Variants in ZC3H12B observed in about 807,000 individuals in gnomAD.
ZC3H12B encodes zinc finger CCCH-type containing 12B, also known as probable ribonuclease ZC3H12B.
ZC3H12B carries 7 observed loss-of-function variants against 43.9 expected under a neutral mutation model. That is an observed-to-expected ratio of 0.16 (90% CI 0.09 to 0.30). The LOEUF is 0.30. Among genes scored for constraint, ZC3H12B ranks in the 10% least tolerant of loss-of-function variants. The pLI is 1.00. For synonymous variants in ZC3H12B, 222 were observed against 241.7 expected (o/e 0.92, Z 0.76); for missense variants, 475 against 670.2 (o/e 0.71, Z 3.22).
At chrX:65,226,436 G>A in the ZC3H12B span, among the ~76,000 whole-genome samples, 1,445 of 111,518 alleles carry the variant, frequency 0.013, 20 homozygotes, top group African/African-American at 0.043. Flanking sequence ...TGTAAAGACC[G>A]TCAAGGCTAG....
intron 2 of ZC3H12B, among the ~76,000 whole-genome samples, chrX:65,381,790 G>A (rs1343997568): frequency 2.7e-5 from 3 of 111,968 alleles, no homozygotes; most frequent in African/African-American, 9.7e-5. Flanking sequence ...CGATCCCACA[G>A]AAATACAAAC....
At chrX:65,436,824 T>A (rs2067227353) in intron 3 of ZC3H12B, among the ~76,000 whole-genome samples, 2 of 111,930 alleles carry the variant, frequency 1.8e-5, no homozygotes, top group African/African-American at 6.5e-5. Context: ...ATTTATCATT[T>A]CTTTGTGTTA....
the ZC3H12B span, chrX:65,271,714 G>T: frequency 8.5e-6 from 1 of 118,264 alleles, no homozygotes; most frequent in East Asian, 2.3e-4. Context: ...TGGATCTTAG[G>T]GATATTAAAA....
At chrX:65,129,371 G>A in the ZC3H12B span, among the ~76,000 whole-genome samples, 1 of 109,293 alleles carries the variant, frequency 9.1e-6, no homozygotes, top group African/African-American at 3.3e-5. Context: ...TATTTCACCT[G>A]GGTGCAGGTG....
At chrX:65,122,772 T>C in the ZC3H12B span, among the ~76,000 whole-genome samples, 2 of 110,576 alleles carry the variant, frequency 1.8e-5, no homozygotes, top group Non-Finnish European at 3.8e-5. Flanking sequence ...CCAGCAAAGA[T>C]CAAAAGAGAC....
the ZC3H12B span, among the ~76,000 whole-genome samples, chrX:65,230,721 CCAGA>C: frequency 9.1e-6 from 1 of 110,234 alleles, no homozygotes; most frequent in Non-Finnish European, 1.9e-5. Flanking sequence ...AATGATTTCC[CCAGA>C]CAAACAAAAC....
chrX:65,123,795 C>A, the ZC3H12B span, among the ~76,000 whole-genome samples: 2 of 95,221 alleles, frequency 2.1e-5, no homozygotes, highest in African/African-American at 7.9e-5. Context: ...TCAGTTTGTT[C>A]ACTGTTGGTG....
chrX:65,493,580 C>T (rs2068236074), intron 1 of ZC3H12B, among the ~76,000 whole-genome samples: 1 of 110,773 alleles, frequency 9.0e-6, no homozygotes, highest in Non-Finnish European at 1.9e-5. Flanking sequence ...AATGTAAATG[C>T]AACCATATTC....
At chrX:65,165,115 G>GA in the ZC3H12B span, among the ~76,000 whole-genome samples, 1 of 111,369 alleles carries the variant, frequency 9.0e-6, no homozygotes, top group Non-Finnish European at 1.9e-5. Context: ...ATAAAAAGGA[G>GA]AAAATCAATA....
intron 3 of ZC3H12B, among the ~76,000 whole-genome samples, chrX:65,415,395 C>T (rs1399236815): frequency 2.7e-5 from 3 of 112,384 alleles, no homozygotes; most frequent in Non-Finnish European, 3.8e-5. Flanking sequence ...CTTTGCAGTG[C>T]CATTTCAAAA....
the ZC3H12B span, among the ~76,000 whole-genome samples, chrX:65,221,121 A>G: frequency 8.9e-6 from 1 of 112,094 alleles, no homozygotes; most frequent in African/African-American, 3.2e-5. Flanking sequence ...CAATAAAATC[A>G]AGATGGAAAT....
At chrX:65,387,381 C>G (rs1023293939) in intron 2 of ZC3H12B, among the ~76,000 whole-genome samples, 1 of 111,833 alleles carries the variant, frequency 8.9e-6, no homozygotes, top group African/African-American at 3.3e-5. Context: ...GAACTGATCC[C>G]TTTACCATTA....
upstream of ZC3H12B, among the ~76,000 whole-genome samples, chrX:65,487,062 C>A (rs1461843860): frequency 8.9e-6 from 1 of 112,456 alleles, no homozygotes; most frequent in Non-Finnish European, 1.9e-5. Flanking sequence ...TTGACTAATT[C>A]ACTAAGGGAA....
intron 3 of ZC3H12B, among the ~76,000 whole-genome samples, chrX:65,403,299 TA>T (rs1475836997): frequency 9.0e-6 from 1 of 110,920 alleles, no homozygotes; most frequent in East Asian, 2.8e-4. Flanking sequence ...GAAAAGAATA[TA>T]AAACAGTAAA....
chrX:65,046,398 C>T, the ZC3H12B span, among the ~76,000 whole-genome samples: 1 of 112,133 alleles, frequency 8.9e-6, no homozygotes, highest in South Asian at 3.7e-4. Flanking sequence ...TCACCTTGCA[C>T]TTTTATATTA....
the ZC3H12B span, among the ~76,000 whole-genome samples, chrX:65,168,682 G>T: frequency 1.8e-5 from 2 of 110,965 alleles, no homozygotes; most frequent in Non-Finnish European, 3.8e-5. Flanking sequence ...GACTTTTTTT[G>T]ATTGGTAGGC....
the ZC3H12B span, among the ~76,000 whole-genome samples, chrX:65,209,655 G>C: frequency 9.1e-6 from 1 of 110,139 alleles, no homozygotes; most frequent in Admixed American, 9.8e-5. Flanking sequence ...TGTATATTCT[G>C]TTGATTTGGG....
At chrX:65,087,853 C>T in the ZC3H12B span, among the ~76,000 whole-genome samples, 424 of 111,831 alleles carry the variant, frequency 3.8e-3, no homozygotes, top group African/African-American at 0.013. Flanking sequence ...TATTTCATAC[C>T]GTGAGTTGAA....
chrX:65,108,641 A>T, the ZC3H12B span, among the ~76,000 whole-genome samples: 2 of 600 alleles, frequency 3.3e-3, no homozygotes, highest in Non-Finnish European at 6.0e-3. Flanking sequence ...AGTTAACTTA[A>T]AAAAAAAAAA....
Sources: allele counts gnomAD v4.1 joint callset (sites outside exome capture counted in the v4.1 genomes callset), GRCh38; gene constraint gnomAD v4.1.1; transcripts MANE v1.5; gene names NCBI Gene and HGNC (gene_info 2026-07-23, HGNC 2026-07-21).